Variants in ROBO1 observed in about 807,000 individuals in gnomAD.
The protein encoded by ROBO1 is roundabout guidance receptor 1.
A neutral mutation model predicts 195.9 loss-of-function variants in ROBO1; 149 were observed. The ratio of observed to expected loss-of-function variants is 0.76; its 90% CI spans 0.67 to 0.87. The LOEUF is 0.87. Among genes scored for constraint, ROBO1 ranks in the 40% least tolerant of loss-of-function variants. ROBO1 has a pLI of 0.00. For missense variants in ROBO1, 1,933 were observed against 2,068.3 expected, an observed-to-expected ratio of 0.93 and a Z score of 1.27; for synonymous variants, 816 against 733.2, an observed-to-expected ratio of 1.11 and a Z score of -1.82.
intron 1 of ROBO1, among the ~76,000 whole-genome samples, chr3:79,654,130 T>C (rs6548643): frequency 0.27 from 41,274 of 151,888 alleles, 6,821 homozygotes; most frequent in East Asian, 0.5. Flanking sequence ...CAAGGATAGA[T>C]ATATTACTCC....
At chr3:78,764,034 G>T (rs2083169294) in intron 4 of ROBO1, among the ~76,000 whole-genome samples, 1 of 152,100 alleles carries the variant, frequency 6.6e-6, no homozygotes, top group South Asian at 2.1e-4. Flanking sequence ...TTTGGATATG[G>T]ATTTTCAGTA....
intron 2 of ROBO1, among the ~76,000 whole-genome samples, chr3:79,551,870 C>T (rs1942525000): frequency 6.6e-6 from 1 of 150,544 alleles, no homozygotes; most frequent in African/African-American, 2.4e-5. Context: ...GGTAAGTAAA[C>T]TGAGCATGGT....
intron 4 of ROBO1, among the ~76,000 whole-genome samples, chr3:78,929,580 G>A (rs1056397464): frequency 1.3e-5 from 2 of 151,706 alleles, no homozygotes; most frequent in Non-Finnish European, 2.9e-5. Context: ...TCAGCTCACT[G>A]CAACCTCCAC....
intron 3 of ROBO1, among the ~76,000 whole-genome samples, chr3:78,973,143 T>C (rs1049349715): frequency 6.6e-6 from 1 of 152,022 alleles, no homozygotes; most frequent in African/African-American, 2.4e-5. Context: ...ACTCCGTGAG[T>C]TTCTTTTGCT....
chr3:78,668,554 A>C lies in ROBO1; in HGVS notation c.1560T>G (p.Thr520=), dbSNP rs1707873047. Residue 520 remains threonine, a synonymous_variant, in exon 12 of 31, where the codon ACT becomes ACG. Transcript: ENST00000464233. The part of the protein sequence containing the change: ...LQIRYAKLGD[T]GRYTCIASTP... ...TTGATGCAATGCAGGTGTACCGACC[A>C]GTATCACCCAGCTGAGAAGGCAGAC... 9.3e-6 allele frequency: 15 copies of C among 1,613,662 alleles called. No individual in the cohort carries two copies. The highest frequency in any genetic ancestry group is 1.2e-5 in the Non-Finnish European group (14 of 1,179,652).
chr3:78,679,514 G>A (rs1037231658), intron 10 of ROBO1, among the ~76,000 whole-genome samples: 12 of 152,076 alleles, frequency 7.9e-5, no homozygotes, highest in Non-Finnish European at 7.4e-5. Flanking sequence ...AAAATCACAA[G>A]CATTCTTATA....
At chr3:79,316,532 T>C (rs1370108552) in intron 2 of ROBO1, among the ~76,000 whole-genome samples, 2 of 152,056 alleles carry the variant, frequency 1.3e-5, no homozygotes, top group African/African-American at 4.8e-5. Flanking sequence ...GGTAGACATG[T>C]GGATGAGGTG....
At chr3:78,907,020 C>A (rs531644485) in intron 4 of ROBO1, among the ~76,000 whole-genome samples, 2 of 152,020 alleles carry the variant, frequency 1.3e-5, no homozygotes, top group Admixed American at 6.6e-5. Flanking sequence ...ATAAAGACAT[C>A]GAGTTGGGAA....
intron 4 of ROBO1, among the ~76,000 whole-genome samples, chr3:78,789,659 T>A (rs192490829): frequency 1.1e-4 from 16 of 152,304 alleles, no homozygotes; most frequent in Admixed American, 3.9e-4. Flanking sequence ...CCTTTTGTCT[T>A]ATGTAAAATC....
At chr3:79,559,847 G>A (rs1349737743) in intron 2 of ROBO1, among the ~76,000 whole-genome samples, 1 of 152,126 alleles carries the variant, frequency 6.6e-6, no homozygotes, top group Non-Finnish European at 1.5e-5. Context: ...AACCCGGGAG[G>A]TGGAGGTTTC....
At chr3:79,615,439 C>A (rs991530946) in intron 1 of ROBO1, among the ~76,000 whole-genome samples, 1 of 152,044 alleles carries the variant, frequency 6.6e-6, no homozygotes, top group African/African-American at 2.4e-5. Flanking sequence ...AATCTATAGC[C>A]CAACCACCTT....
chr3:79,120,201 GAGTT>G (rs1254566067), intron 3 of ROBO1, among the ~76,000 whole-genome samples: 1 of 152,148 alleles, frequency 6.6e-6, no homozygotes, highest in African/African-American at 2.4e-5. Context: ...AAAAAACAAA[GAGTT>G]AGAAATTAGG....
chr3:78,703,819 A>G lies in ROBO1; in HGVS notation c.1045+10578T>C, dbSNP rs548712676. ...ATATATTTACCACCATTTTACACAC[A>G]CACACATATATATATATAAAATCCT... On this transcript the variant is annotated intron_variant, in intron 8 of 30. Transcript: ENST00000464233. 2.6e-4 allele frequency among the ~76,000 whole-genome samples: 27 copies of G among 102,310 alleles called. No individual in the cohort carries two copies. The South Asian group carries it at 7.9e-3, about 30-fold the overall frequency. The allele number at this position is 102,310 out of a possible 152,430, so 67.1% of individuals were successfully genotyped here. A position where few individuals can be genotyped will look rare whatever the true frequency, so the allele number is the denominator to read the frequency against.
Position 78,617,814 on chromosome 3 carries a change from C to T in ROBO1, c.4103G>A (p.Gly1368Glu). The T allele has an allele frequency of 6.2e-7, 1 of 1,613,896 alleles. No individual in the cohort carries two copies. Among genetic ancestry groups the T allele is most frequent in the South Asian group, 1.1e-5 (1 of 91,078 alleles). ...TGAGCCCCAGCCGTTGATCATGGACCCCGTGACAGAGCTCTCCAGGTCCCC... is the reference window on the plus strand; with the variant it reads ...TGAGCCCCAGCCGTTGATCATGGACTCCGTGACAGAGCTCTCCAGGTCCCC... ...SVGDLESSVT[G>E]SMINGWGSAS... is the part of the protein sequence containing the mutation. Residue 1368 changes from glycine to glutamate, a missense_variant, in exon 27 of 31, where the codon GGG (glycine) becomes GAG (glutamate). Gly to Glu is a moderately conservative substitution (Grantham distance 98, BLOSUM62 -2). Around this residue, in one of 3 missense-constraint regions of ROBO1, gnomAD observed 1,737 missense variants for 1,882.5 expected, o/e 0.92. Coordinates refer to ENST00000464233, the MANE Select transcript of ROBO1 (RefSeq NM_002941.4).
intron 2 of ROBO1, among the ~76,000 whole-genome samples, chr3:79,222,614 A>C (rs1278651379): frequency 6.6e-6 from 1 of 151,796 alleles, no homozygotes; most frequent in Admixed American, 6.6e-5. Flanking sequence ...TGTGGATTGT[A>C]AAAGATCTTT....
intron 21 of ROBO1, among the ~76,000 whole-genome samples, chr3:78,645,067 T>A (rs1258101375): frequency 6.6e-6 from 1 of 152,148 alleles, no homozygotes; most frequent in East Asian, 1.9e-4. Context: ...GTGGATTTAT[T>A]CCTTATGAAA....
At chr3:79,237,563 A>G (rs1477520600) in intron 2 of ROBO1, among the ~76,000 whole-genome samples, 1 of 152,124 alleles carries the variant, frequency 6.6e-6, no homozygotes, top group Non-Finnish European at 1.5e-5. Context: ...CAAAATACTC[A>G]TGGGTAAAGA....
chr3:78,797,478 C>G (rs1411893622), intron 4 of ROBO1, among the ~76,000 whole-genome samples: 1 of 152,156 alleles, frequency 6.6e-6, no homozygotes, highest in East Asian at 1.9e-4. Context: ...AACAGAGGAG[C>G]AGCACCCTTT....
intron 2 of ROBO1, among the ~76,000 whole-genome samples, chr3:79,412,874 ATTTTTTTTTTTTTTTTTTT>A (rs1167482550): frequency 2.3e-4 from 9 of 38,338 alleles, no homozygotes; most frequent in Non-Finnish European, 3.9e-4. Flanking sequence ...TCATGAGCTG[ATTTTTTTTTTTTTTTTTTT>A]TTTTTTTTTT....
Sources: allele counts gnomAD v4.1 joint callset (sites outside exome capture counted in the v4.1 genomes callset), GRCh38; gene constraint gnomAD v4.1.1; regional missense constraint gnomAD v4.1.1; transcripts MANE v1.5; gene names NCBI Gene and HGNC (gene_info 2026-07-23, HGNC 2026-07-21).